Variants in SLC5A4 observed in about 807,000 individuals in gnomAD.
SLC5A4 encodes the protein probable glucose sensor protein SLC5A4.
A neutral mutation model predicts 70.3 loss-of-function variants in SLC5A4; 55 were observed. That is an observed-to-expected ratio of 0.78 (90% CI 0.63 to 0.98). The LOEUF (loss-of-function observed/expected upper bound fraction) is 0.98. Among genes scored for constraint, SLC5A4 ranks in the 50% least tolerant of loss-of-function variants. The probability of loss-of-function intolerance (pLI) is 0.00; values close to 1 mark genes in which losing one functional copy is unlikely to be tolerated. For synonymous variants in SLC5A4, 268 were observed against 305.7 expected, an observed-to-expected ratio of 0.88 and a Z score of 1.29; for missense variants, 735 against 839.2, an observed-to-expected ratio of 0.88 and a Z score of 1.53.
At chr22:32,282,680 C>T in the SLC5A4 span, among the ~76,000 whole-genome samples, 4 of 152,172 alleles carry the variant, frequency 2.6e-5, no homozygotes, top group Admixed American at 6.5e-5. Context: ...TCAAAGATAC[C>T]TCTGCTCACA....
At chr22:32,330,164 TTG>T in the SLC5A4 span, among the ~76,000 whole-genome samples, 2 of 120,458 alleles carry the variant, frequency 1.7e-5, no homozygotes, top group Non-Finnish European at 1.7e-5. Flanking sequence ...GGGGACTCTG[TTG>T]TGTGTGTGTT....
the SLC5A4 span, among the ~76,000 whole-genome samples, chr22:32,331,810 G>A: frequency 0.32 from 48,816 of 151,868 alleles, 8,611 homozygotes; most frequent in East Asian, 0.59. Flanking sequence ...ATCCTCTCGC[G>A]GCTTCCAGAC....
At chr22:32,236,819 C>T (rs1926089198) in intron 7 of SLC5A4, among the ~76,000 whole-genome samples, 1 of 151,932 alleles carries the variant, frequency 6.6e-6, no homozygotes, top group South Asian at 2.1e-4. Context: ...ATTCTCCTGC[C>T]TCAGCCTCTT....
the SLC5A4 span, among the ~76,000 whole-genome samples, chr22:32,290,519 T>C: frequency 1.1e-4 from 16 of 151,500 alleles, no homozygotes; most frequent in East Asian, 2.3e-3. Context: ...GTACTTTTTA[T>C]TTTATATTTT....
chr22:32,300,972 C>CT, the SLC5A4 span, among the ~76,000 whole-genome samples: 6 of 151,828 alleles, frequency 4.0e-5, no homozygotes, highest in Admixed American at 3.9e-4. Flanking sequence ...GTTCAGGTTT[C>CT]TTTTTTTTGA....
chr22:32,286,618 A>G, the SLC5A4 span, among the ~76,000 whole-genome samples: 20 of 152,320 alleles, frequency 1.3e-4, no homozygotes, highest in African/African-American at 4.6e-4. Flanking sequence ...GCATTAGCTT[A>G]GTGGCTGGTG....
At chr22:32,327,035 C>T in the SLC5A4 span, 1 of 152,260 alleles carries the variant, frequency 6.6e-6, no homozygotes, top group Admixed American at 6.5e-5. Context: ...AACTGCTGTC[C>T]TCCGGATCTG....
In SLC5A4 at chr22:32,234,873, C is replaced by G; in HGVS notation, c.885G>C (p.Gln295His). The G allele has an allele frequency of 6.2e-7, 1 of 1,605,900 alleles. No individual in the cohort carries two copies. Among genetic ancestry groups the G allele is most frequent in the Non-Finnish European group, 8.5e-7 (1 of 1,173,942 alleles). ...ITALWYWCTN[Q>H]VIVQRCLCGK... is the part of the protein sequence containing the mutation. ...AGACACACATATACATATACTTCAC[C>G]TGATTTGTGCACCAGTACCACAAAG... The change falls in exon 8 of 15, where the codon CAG becomes CAC. Residue 295 changes from glutamine to histidine, a missense_variant and splice_region_variant. Transcript: ENST00000266086.
At chr22:32,239,556 A>ATATATATATATATATATATT (rs1569374862) in intron 5 of SLC5A4, among the ~76,000 whole-genome samples, 1 of 20,892 alleles carries the variant, frequency 4.8e-5, no homozygotes, top group African/African-American at 2.4e-4. Flanking sequence ...ATATATATAT[A>ATATATATATATATATATATT]TATATATATA....
the SLC5A4 span, among the ~76,000 whole-genome samples, chr22:32,343,600 C>G: frequency 6.6e-6 from 1 of 152,182 alleles, no homozygotes; most frequent in East Asian, 1.9e-4. Context: ...GTTAGATTTT[C>G]ATTGCTTACA....
chr22:32,303,748 A>T, the SLC5A4 span, among the ~76,000 whole-genome samples: 8 of 152,232 alleles, frequency 5.3e-5, no homozygotes, highest in Non-Finnish European at 1.0e-4. Flanking sequence ...GCAATTATGA[A>T]TAAAGCTATA....
upstream of SLC5A4, among the ~76,000 whole-genome samples, chr22:32,260,171 G>A (rs556476325): frequency 6.6e-6 from 1 of 152,300 alleles, no homozygotes; most frequent in South Asian, 2.1e-4. Flanking sequence ...CCAGGTCCCT[G>A]GGCCCCCTAA....
intron 13 of SLC5A4, among the ~76,000 whole-genome samples, chr22:32,223,534 G>A (rs978307019): frequency 6.6e-6 from 1 of 151,484 alleles, no homozygotes; most frequent in Non-Finnish European, 1.5e-5. Flanking sequence ...TTCTTTTCCT[G>A]CCCCCTGGTA....
chr22:32,330,740 CGTGT>C, the SLC5A4 span, among the ~76,000 whole-genome samples: 210 of 23,864 alleles, frequency 8.8e-3, no homozygotes, highest in Non-Finnish European at 0.012. Flanking sequence ...GTTGGGGGCT[CGTGT>C]GTGTGTTGGA....
chr22:32,218,773 G>A (rs1414066245), intron 14 of SLC5A4, 48 bp from the exon 15 acceptor site: 1 of 1,440,946 alleles, frequency 6.9e-7, no homozygotes, highest in African/African-American at 1.4e-5. Context: ...GATCACAAAG[G>A]AACTAGAAAT....
the SLC5A4 span, among the ~76,000 whole-genome samples, chr22:32,320,182 G>A: frequency 6.6e-6 from 1 of 152,176 alleles, no homozygotes; most frequent in Admixed American, 6.5e-5. Context: ...GGGAGCATCC[G>A]CATTCCTTCA....
At chr22:32,353,267 A>G in the SLC5A4 span, among the ~76,000 whole-genome samples, 5 of 151,828 alleles carry the variant, frequency 3.3e-5, no homozygotes, top group Non-Finnish European at 7.4e-5. Flanking sequence ...AGCAGCAAAA[A>G]CTGAACCCCA....
chr22:32,266,202 C>T, the SLC5A4 span, among the ~76,000 whole-genome samples: 1 of 152,160 alleles, frequency 6.6e-6, no homozygotes, highest in African/African-American at 2.4e-5. Context: ...TCAGGATATC[C>T]TCAGCTATTA....
At chr22:32,302,647 A>G in the SLC5A4 span, among the ~76,000 whole-genome samples, 1 of 152,174 alleles carries the variant, frequency 6.6e-6, no homozygotes, top group African/African-American at 2.4e-5. Context: ...GTGTGGGTCT[A>G]TTTAAGTTCT....
Sources: allele counts gnomAD v4.1 joint callset (sites outside exome capture counted in the v4.1 genomes callset), GRCh38; gene constraint gnomAD v4.1.1; transcripts MANE v1.5; gene names NCBI Gene and HGNC (gene_info 2026-07-23, HGNC 2026-07-21).